SGCD: variants seen among roughly 807,000 people sequenced by gnomAD.
SGCD encodes delta-sarcoglycan.
SGCD carries 18 observed loss-of-function variants against 36.6 expected under a neutral mutation model. That is an observed-to-expected ratio of 0.49 (90% confidence interval 0.34 to 0.73). The LOEUF (loss-of-function observed/expected upper bound fraction) is 0.73, where lower values mean the gene tolerates loss of function less well. Among genes scored for constraint, SGCD ranks in the 30% least tolerant of loss-of-function variants. SGCD has a pLI of 0.01. For synonymous variants in SGCD, 133 were observed against 130.6 expected (o/e 1.02, Z -0.12); for missense variants, 387 against 346.7 (o/e 1.12, Z -0.92).
chr5:155,879,987 T>G (rs1032120275), intron 1 of SGCD, among the ~76,000 whole-genome samples: 1 of 151,738 alleles, frequency 6.6e-6, no homozygotes, highest in Non-Finnish European at 1.5e-5. Flanking sequence ...AGAAGCTGGA[T>G]TGGGGGAGTT....
chr5:156,526,129 A>G (rs905158482), intron 4 of SGCD, among the ~76,000 whole-genome samples: 1 of 152,120 alleles, frequency 6.6e-6, no homozygotes, highest in Non-Finnish European at 1.5e-5. Context: ...CTTTACAGCC[A>G]TTCTCTACTC....
intron 7 of SGCD, among the ~76,000 whole-genome samples, chr5:156,710,200 G>C (rs1016004881): frequency 2.0e-5 from 3 of 152,130 alleles, no homozygotes; most frequent in Admixed American, 1.3e-4. Context: ...ATAAACCAAG[G>C]CTTGATGGAG....
At chr5:156,613,913 T>A (rs1247619720) in intron 6 of SGCD, among the ~76,000 whole-genome samples, 1 of 152,212 alleles carries the variant, frequency 6.6e-6, no homozygotes, top group Non-Finnish European at 1.5e-5. Flanking sequence ...CATTTGATCC[T>A]CACAACAACC....
At chr5:156,026,930 A>C (rs1484618646) in intron 1 of SGCD, among the ~76,000 whole-genome samples, 3 of 152,228 alleles carry the variant, frequency 2.0e-5, no homozygotes, top group Non-Finnish European at 4.4e-5. Context: ...ATGAAAAAAA[A>C]TATGAATGAA....
intron 4 of SGCD, among the ~76,000 whole-genome samples, chr5:156,509,645 A>G (rs1756848780): frequency 6.6e-6 from 1 of 152,184 alleles, no homozygotes; most frequent in Non-Finnish European, 1.5e-5. Flanking sequence ...AAAGCTTCAT[A>G]CTTGTAGCAG....
In SGCD at chr5:156,327,205, C is replaced by T. The variant is rs1015900813; in HGVS notation, c.-71C>T. 6.6e-6 allele frequency: 1 copy of T among 152,384 alleles called. No individual in the cohort carries two copies. Among genetic ancestry groups the T allele is most frequent in the East Asian group, 1.9e-4 (1 of 5,200 alleles). 9.4% of individuals were successfully genotyped at this position (152,384 alleles called of 1,614,324 possible). ...CCCTGGGATCGCGGGCGGTTTTCAT[C>T]GGCCGGTTTGTGAAACGGACAAGAG... On this transcript the variant is annotated 5_prime_UTR_variant, in exon 1 of 9. Coordinates refer to ENST00000337851, the MANE Select transcript of SGCD (RefSeq NM_000337.6).
At chr5:156,215,046 C>T (rs547726085) in intron 3 of SGCD, among the ~76,000 whole-genome samples, 59 of 152,096 alleles carry the variant, frequency 3.9e-4, no homozygotes, top group Non-Finnish European at 7.7e-4. Context: ...AAATCTGAAA[C>T]TTTTTCAGTG....
intron 7 of SGCD, among the ~76,000 whole-genome samples, chr5:156,692,551 C>T (rs1441565941): frequency 1.3e-5 from 2 of 152,158 alleles, no homozygotes; most frequent in African/African-American, 2.4e-5. Flanking sequence ...GTACCTATCA[C>T]CCAGCTTCAA....
At chr5:156,263,177 T>A (rs768575940) in intron 3 of SGCD, among the ~76,000 whole-genome samples, 3 of 152,070 alleles carry the variant, frequency 2.0e-5, no homozygotes, top group Admixed American at 2.0e-4. Flanking sequence ...CTTCAAGGAA[T>A]CTCCACCCTG....
At chr5:156,192,702 A>G (rs1345301151) in intron 3 of SGCD, among the ~76,000 whole-genome samples, 2 of 151,680 alleles carry the variant, frequency 1.3e-5, no homozygotes, top group Non-Finnish European at 2.9e-5. Flanking sequence ...TGATTATTAC[A>G]CATTCTATGC....
the SGCD span, among the ~76,000 whole-genome samples, chr5:155,845,845 A>G: frequency 1.3e-5 from 2 of 152,170 alleles, no homozygotes; most frequent in African/African-American, 4.8e-5. Flanking sequence ...ACCAGGACAG[A>G]ATGCTATCTG....
chr5:156,481,968 G>T (rs1471606289), intron 3 of SGCD, among the ~76,000 whole-genome samples: 1 of 152,142 alleles, frequency 6.6e-6, no homozygotes, highest in Admixed American at 6.5e-5. Context: ...AGTGACTCAG[G>T]AATCAGCGGG....
rs1315302368 is a variant in SGCD, at chr5:156,444,106, CTCTCTCT to C, written c.193-64494_193-64488del. On this transcript the variant is annotated intron_variant, in intron 3 of 8. Transcript: ENST00000337851. ...TCTCTCTCTCTCTCTCTCTCTCTCT[CTCTCTCT>C]CTCCCCTTCCCTCTCTCTCTCTCTC... Among the ~76,000 whole-genome samples, 162 of 107,160 alleles carry C rather than the reference CTCTCTCT, an allele frequency of 1.5e-3. 4 individuals are homozygous for C. The highest frequency in any genetic ancestry group is 4.5e-3 in the Middle Eastern group (1 of 220). The allele number at this position is 107,160 out of a possible 152,430, so 70.3% of individuals were successfully genotyped here. A position where few individuals can be genotyped will look rare whatever the true frequency, so the allele number is the denominator to read the frequency against.
Position 155,983,222 on chromosome 5 carries a change from C to G in SGCD, c.-282+112798C>G, listed in dbSNP as rs201839998. Among the ~76,000 whole-genome samples, 18 of 152,280 alleles carry G rather than the reference C, an allele frequency of 1.2e-4. 1 individual carries two copies. The East Asian group carries it at 2.1e-3, about 18-fold the overall frequency. ...TAATCATATATGTTAGATCCTCTTA[C>G]TATTCCTATTTTGCTGATGAGAACA... is the stretch of plus-strand genomic sequence containing the variant. On this transcript the variant is annotated intron_variant, in intron 1 of 9. Transcript: ENST00000517913.
At chr5:156,320,887 T>C (rs773339851) in intron 3 of SGCD, among the ~76,000 whole-genome samples, 2 of 152,178 alleles carry the variant, frequency 1.3e-5, no homozygotes, top group Non-Finnish European at 2.9e-5. Flanking sequence ...AAAAATAGCA[T>C]TGGATTTACT....
intron 1 of SGCD, among the ~76,000 whole-genome samples, chr5:155,935,688 C>T (rs1757179070): frequency 6.6e-6 from 1 of 152,212 alleles, no homozygotes; most frequent in Admixed American, 6.5e-5. Context: ...TGTCTAATCA[C>T]TTGCCTAAGG....
At chr5:156,757,927 TATTC>T in intron 8 of SGCD, 1 of 1,303,796 alleles carries the variant, frequency 7.7e-7, no homozygotes, top group Non-Finnish European at 9.8e-7. Context: ...TAATGGCATG[TATTC>T]CAAGTACAGA....
intron 7 of SGCD, among the ~76,000 whole-genome samples, chr5:156,647,922 C>G (rs992325526): frequency 6.6e-6 from 1 of 152,142 alleles, no homozygotes; most frequent in Admixed American, 6.5e-5. Flanking sequence ...TATTATGCAA[C>G]AAGCTCTCTA....
chr5:156,371,538 A>G (rs557967055), intron 3 of SGCD, among the ~76,000 whole-genome samples: 1 of 152,214 alleles, frequency 6.6e-6, no homozygotes, highest in Non-Finnish European at 1.5e-5. Context: ...GAGAGAAAGG[A>G]CCGAGTGTCA....
Sources: allele counts gnomAD v4.1 joint callset (sites outside exome capture counted in the v4.1 genomes callset), GRCh38; gene constraint gnomAD v4.1.1; transcripts MANE v1.5; gene names NCBI Gene and HGNC (gene_info 2026-07-23, HGNC 2026-07-21).